BAG2: variants seen among roughly 807,000 people sequenced by gnomAD.
BAG2 encodes BAG family molecular chaperone regulator 2.
BAG2 carries 8 observed loss-of-function variants against 16.4 expected under a neutral mutation model. The observed-to-expected ratio is 0.49, with a 90% CI of 0.29 to 0.88. The LOEUF is 0.88. BAG2 is among the 40% of genes least tolerant of loss of function. The probability of loss-of-function intolerance (pLI) is 0.09; values close to 1 mark genes in which losing one functional copy is unlikely to be tolerated. For missense variants in BAG2, 218 were observed against 248.9 expected, an observed-to-expected ratio of 0.88 and a Z score of 0.84; for synonymous variants, 82 against 89.2, an observed-to-expected ratio of 0.92 and a Z score of 0.46.
At position 57,184,137 on chromosome 6, in the gene BAG2, A is replaced by G. The variant is rs760627831; in HGVS notation, c.583A>G (p.Lys195Glu). The G allele has an allele frequency of 3.8e-6, 6 of 1,575,962 alleles. No homozygotes were observed. The African/African-American group carries it at 8.3e-5, about 22-fold the overall frequency. The change falls in exon 3 of 3, where the codon AAA (lysine) becomes GAA (glutamate). Residue 195 changes from lysine to glutamate, a missense_variant. Lys to Glu is a moderately conservative substitution (Grantham distance 56). Around this residue, in one of 3 missense-constraint regions of BAG2, gnomAD observed 113 missense variants for 128.0 expected, o/e 0.88. Coordinates refer to ENST00000370693, the MANE Select transcript of BAG2 (RefSeq NM_004282.4). ...DKAIKLLEHS[K>E]GAGSKTLQQN... is the part of the protein sequence containing the mutation. The stretch of plus-strand genomic sequence containing the variant: ...GGCCATCAAGCTATTAGAGCATTCT[A>G]AAGGAGCTGGTTCCAAAACTCTGCA...
intron 1 of BAG2, among the ~76,000 whole-genome samples, chr6:57,175,675 A>C (rs1273854264): frequency 1.3e-5 from 2 of 152,194 alleles, no homozygotes; most frequent in East Asian, 3.8e-4. Context: ...AAGCCTCCAT[A>C]AGAACCCAAA....
In BAG2 at chr6:57,189,368, CTAA is replaced by C. The variant is rs1186536166; in HGVS notation, c.*5187_*5189del. On this transcript the variant is annotated 3_prime_UTR_variant, in exon 3 of 3. Transcript: ENST00000370693. ...ATAAAATATGTAATTTTAGTTAAGA[CTAA>C]TAATAATATTTTTGTGCACTTTAAA... The C allele has an allele frequency of 3.9e-5, 6 of 152,104 alleles. No homozygotes were observed. The highest frequency in any genetic ancestry group is 6.5e-5 in the Admixed American group (1 of 15,286). The allele number at this position is 152,104 out of a possible 1,614,324, so 9.4% of individuals were successfully genotyped here. A position where few individuals can be genotyped will look rare whatever the true frequency, so the allele number is the denominator to read the frequency against.
rs147482320 is a variant in BAG2 at position 57,180,556 on chromosome 6, G to A, written c.114-1476G>A. ...ACATTCGCTAGGGGAAAGATGGATT[G>A]CTTGGTAAATAATGTTGGGGAAAAT... On this transcript the variant is annotated intron_variant, in intron 1 of 2. Transcript: ENST00000370693. Among the ~76,000 whole-genome samples, 696 of 152,196 alleles carry A rather than the reference G, an allele frequency of 4.6e-3. 1 individual carries two copies. Among genetic ancestry groups the A allele is most frequent in the Middle Eastern group, 0.037 (11 of 294 alleles).
At chr6:57,176,586 A>T (rs189507389) in intron 1 of BAG2, among the ~76,000 whole-genome samples, 2 of 152,230 alleles carry the variant, frequency 1.3e-5, no homozygotes, top group Admixed American at 1.3e-4. Context: ...GGCTTTTCAT[A>T]TGTTTCCCAA....
At chr6:57,174,301 A>G in intron 1 of BAG2, 1 of 1,302,998 alleles carries the variant, frequency 7.7e-7, no homozygotes, top group Non-Finnish European at 1.0e-6. Flanking sequence ...CCAGAAAGAA[A>G]AGTTTTCCTA....
intron 1 of BAG2, among the ~76,000 whole-genome samples, chr6:57,174,639 A>G (rs540822414): frequency 2.0e-5 from 3 of 152,198 alleles, no homozygotes; most frequent in Non-Finnish European, 4.4e-5. Flanking sequence ...TTTTTAAAAA[A>G]GTAATACTAG....
Position 57,185,425 on chromosome 6 carries a change from T to C in BAG2, c.*1235T>C, listed in dbSNP as rs1242529582. On this transcript the variant is annotated 3_prime_UTR_variant, in exon 3 of 3. Coordinates refer to ENST00000370693, the MANE Select transcript of BAG2 (RefSeq NM_004282.4). ...GAACACATCAATTTTTATTTGAATG[T>C]AGGTATTCTTCACACTGAAAAACCA... The C allele has an allele frequency of 1.3e-5, 2 of 152,212 alleles. No homozygotes were observed. Among genetic ancestry groups the C allele is most frequent in the African/African-American group, 4.8e-5 (2 of 41,464 alleles). The allele number at this position is 152,212 out of a possible 1,614,324, so 9.4% of individuals were successfully genotyped here.
Position 57,182,067 on chromosome 6 carries a change from A to C in BAG2, c.149A>C (p.Glu50Ala). 6.2e-7 allele frequency: 1 copy of C among 1,614,192 alleles called. No individual in the cohort carries two copies. The highest frequency in any genetic ancestry group is 1.7e-5 in the Admixed American group (1 of 60,026). ...TTGAGAGAAGCAGCAACTGCTGTTG[A>C]GCAAGAGAAAGAAATCCTTCTGGAA... ...EALREAATAV[E>A]QEKEILLEMI... The change falls in exon 2 of 3, where the codon GAG becomes GCG. Residue 50 changes from glutamate to alanine, a missense_variant. Coordinates refer to ENST00000370693, the MANE Select transcript of BAG2 (RefSeq NM_004282.4).
rs1344128674 is a variant in BAG2, at chr6:57,188,282, T to A, written c.*4092T>A. The A allele has an allele frequency of 6.6e-6, 1 of 152,032 alleles. No homozygotes were observed. Among genetic ancestry groups the A allele is most frequent in the Non-Finnish European group, 1.5e-5 (1 of 67,994 alleles). The allele number at this position is 152,032 out of a possible 1,614,324, so 9.4% of individuals were successfully genotyped here. On this transcript the variant is annotated 3_prime_UTR_variant, in exon 3 of 3. Coordinates refer to ENST00000370693, the MANE Select transcript of BAG2 (RefSeq NM_004282.4). ...GGCCTACTTAATTATTTTAAATGAC[T>A]AATTATGGTTAGGTTTAAAATACAG...
chr6:57,174,115 G>A, intron 1 of BAG2: 1 of 844,468 alleles, frequency 1.2e-6, no homozygotes, highest in Non-Finnish European at 1.5e-6. Flanking sequence ...AAACCTGACC[G>A]TTCCACTCCC....
chr6:57,172,583 A>G lies in BAG2; in HGVS notation c.-115A>G. 1 of 814,930 alleles carries G rather than the reference A, an allele frequency of 1.2e-6. No individual in the cohort carries two copies. Among genetic ancestry groups the G allele is most frequent in the East Asian group, 3.6e-5 (1 of 27,900 alleles). 50.5% of individuals were successfully genotyped at this position (814,930 alleles called of 1,614,324 possible). A position where few individuals can be genotyped will look rare whatever the true frequency, so the allele number is the denominator to read the frequency against. ...CTCCCGGGTTGCCCCCGCGGGCGTCAGAGGGAGGGCGGGCGCCCGCGTGGT... is the reference window on the plus strand; with the variant it reads ...CTCCCGGGTTGCCCCCGCGGGCGTCGGAGGGAGGGCGGGCGCCCGCGTGGT... On this transcript the variant is annotated 5_prime_UTR_variant, in exon 1 of 3. Transcript: ENST00000370693.
rs1337023087 is a variant in BAG2, at chr6:57,185,078, A to C, written c.*888A>C. The C allele has an allele frequency of 6.6e-6, 1 of 152,180 alleles. No homozygotes were observed. The highest frequency in any genetic ancestry group is 1.5e-5 in the Non-Finnish European group (1 of 68,016). The allele number at this position is 152,180 out of a possible 1,614,324, so 9.4% of individuals were successfully genotyped here. On this transcript the variant is annotated 3_prime_UTR_variant, in exon 3 of 3. Transcript: ENST00000370693. ...CTTTCATTTTTGTTTTTCTCTGTAT[A>C]AAGGCCCAGCAGTGAATTATATTGG...
intron 2 of BAG2, 96 bp downstream of exon 2, chr6:57,182,237 G>A (rs1052426127): frequency 8.5e-6 from 8 of 941,268 alleles, no homozygotes; most frequent in African/African-American, 6.5e-5. Flanking sequence ...TTTGGTATGC[G>A]TACACCAGGC....
rs899041718 is a variant in BAG2, at chr6:57,185,685, A to G, written c.*1495A>G. 6.6e-6 allele frequency: 1 copy of G among 152,150 alleles called. No individual in the cohort carries two copies. Among genetic ancestry groups the G allele is most frequent in the Non-Finnish European group, 1.5e-5 (1 of 68,020 alleles). 9.4% of individuals were successfully genotyped at this position (152,150 alleles called of 1,614,324 possible). A position where few individuals can be genotyped will look rare whatever the true frequency, so the allele number is the denominator to read the frequency against. On this transcript the variant is annotated 3_prime_UTR_variant, in exon 3 of 3. Coordinates refer to ENST00000370693, the MANE Select transcript of BAG2 (RefSeq NM_004282.4). Reference sequence around the variant, plus strand: ...AGCCACTTGGTTTGTTAGCAGACTGATTTGCTGTCATCAGACTGTGAGATG... The same window carrying G: ...AGCCACTTGGTTTGTTAGCAGACTGGTTTGCTGTCATCAGACTGTGAGATG...
chr6:57,172,484 C>T lies in BAG2; in HGVS notation c.-214C>T. The T allele has an allele frequency of 2.5e-6, 1 of 398,130 alleles. No homozygotes were observed. Among genetic ancestry groups the T allele is most frequent in the Non-Finnish European group, 4.6e-6 (1 of 219,590 alleles). The allele number at this position is 398,130 out of a possible 1,614,324, so 24.7% of individuals were successfully genotyped here. On this transcript the variant is annotated 5_prime_UTR_variant, in exon 1 of 3. Transcript: ENST00000370693. The stretch of plus-strand genomic sequence containing the variant: ...CAGCCGCTGCAGCCCCCTCCCAGGC[C>T]CGGCGTCCCCGAGCCCCGCGGGCGC...
chr6:57,175,456 C>G (rs1764254001), intron 1 of BAG2, among the ~76,000 whole-genome samples: 1 of 152,196 alleles, frequency 6.6e-6, no homozygotes, highest in Non-Finnish European at 1.5e-5. Context: ...TGCCTTACCT[C>G]TAGTCTGATT....
At chr6:57,183,742 G>C in intron 2 of BAG2, 36 bp from the exon 3 acceptor site, 1 of 1,472,210 alleles carries the variant, frequency 6.8e-7, no homozygotes, top group Non-Finnish European at 9.0e-7. Context: ...TAATGTTTTT[G>C]ACACAGATAA....
At position 57,184,388 on chromosome 6, in the gene BAG2, G is replaced by T; in HGVS notation, c.*198G>T. 1 of 428,568 alleles carries T rather than the reference G, an allele frequency of 2.3e-6. No homozygotes were observed. Among genetic ancestry groups the T allele is most frequent in the South Asian group, 7.2e-5 (1 of 13,976 alleles). The allele number at this position is 428,568 out of a possible 1,614,324, so 26.5% of individuals were successfully genotyped here. On this transcript the variant is annotated 3_prime_UTR_variant, in exon 3 of 3. Coordinates refer to ENST00000370693, the MANE Select transcript of BAG2 (RefSeq NM_004282.4). ...GCAATATTTTAATTATCTATCTAGA[G>T]ATTTTTTAGATTGAATTCTTGTCTT...
In BAG2 at chr6:57,172,797, C is replaced by G. The variant is rs1169371567; in HGVS notation, c.100C>G (p.Gln34Glu). The change falls in exon 1 of 3, where the codon CAG becomes GAG. Residue 34 changes from glutamine to glutamate, a missense_variant. Coordinates refer to ENST00000370693, the MANE Select transcript of BAG2 (RefSeq NM_004282.4). ...RSSRLLESLDQLELRVEALRE... is the reference protein window; with the variant it reads ...RSSRLLESLDELELRVEALRE... ...CAGCCGCCTGCTGGAGAGCCTGGAC[C>G]AGCTGGAGCTCAGGTGAGCTCCGGG... 4.5e-6 allele frequency: 7 copies of G among 1,558,816 alleles called. No homozygotes were observed. The highest frequency in any genetic ancestry group is 6.1e-6 in the Non-Finnish European group (7 of 1,155,108).
Sources: gnomAD v4.1 joint callset for allele counts (sites outside exome capture counted in the v4.1 genomes callset) on GRCh38, gnomAD v4.1.1 for gene constraint, gnomAD v4.1.1 regional missense constraint, MANE v1.5 for transcripts, NCBI Gene and HGNC (gene_info 2026-07-23, HGNC 2026-07-21) for gene names.